CD2AP: variants seen among roughly 807,000 people sequenced by gnomAD.
CD2AP encodes CD2-associated protein.
In CD2AP, 46 loss-of-function variants were observed where a neutral mutation model predicts 85.1. That is an observed-to-expected ratio of 0.54 (90% CI 0.43 to 0.69). The LOEUF (loss-of-function observed/expected upper bound fraction) is 0.69. CD2AP is among the 30% of genes least tolerant of loss of function. The pLI is 0.00. For missense variants in CD2AP, 769 were observed against 729.5 expected (o/e 1.05, Z -0.62); for synonymous variants, 255 against 252.9 (o/e 1.01, Z -0.08).
At chr6:47,611,120 A>C (rs1453099930) in intron 16 of CD2AP, among the ~76,000 whole-genome samples, 4 of 150,030 alleles carry the variant, frequency 2.7e-5, no homozygotes, top group African/African-American at 4.9e-5. Flanking sequence ...AGAAGGGATA[A>C]ATACTATTGA....
At chr6:47,525,761 T>C (rs1017970587) in intron 2 of CD2AP, among the ~76,000 whole-genome samples, 1 of 152,186 alleles carries the variant, frequency 6.6e-6, no homozygotes, top group Admixed American at 6.5e-5. Context: ...CTTGTTGTAC[T>C]ACCTACTCTT....
intron 4 of CD2AP, among the ~76,000 whole-genome samples, chr6:47,552,367 G>A (rs528429558): frequency 6.6e-6 from 1 of 151,586 alleles, no homozygotes; most frequent in East Asian, 1.9e-4. Flanking sequence ...TCATAGCTTA[G>A]CTCCCACATA....
chr6:47,590,249 G>A (rs12204979), intron 11 of CD2AP, among the ~76,000 whole-genome samples: 2 of 151,564 alleles, frequency 1.3e-5, no homozygotes, highest in African/African-American at 4.8e-5. Flanking sequence ...AAAAGATGGG[G>A]TTGATAATTT....
At chr6:47,587,906 T>G (rs986123729) in intron 11 of CD2AP, among the ~76,000 whole-genome samples, 1 of 152,134 alleles carries the variant, frequency 6.6e-6, no homozygotes, top group African/African-American at 2.4e-5. Context: ...GTGAATCTGC[T>G]CACTTTTGCT....
intron 1 of CD2AP, among the ~76,000 whole-genome samples, chr6:47,497,411 G>C (rs1188697467): frequency 7.6e-6 from 1 of 130,956 alleles, no homozygotes; most frequent in African/African-American, 2.9e-5. Flanking sequence ...TTTCCTTTCT[G>C]TCCTTCCTGT....
Position 47,554,668 on chromosome 6 carries a change from G to C in CD2AP, c.443G>C (p.Gly148Ala), listed in dbSNP as rs1767628478. Residue 148 changes from glycine to alanine, a missense_variant, in exon 5 of 18, where the codon GGA becomes GCA. By Grantham distance (60) the Gly-to-Ala change is moderately conservative. Coordinates refer to ENST00000359314, the MANE Select transcript of CD2AP (RefSeq NM_012120.3). ...CAGGTAGAAGAAGGCTGGTGGAGTGGAACCCTGAATAACAAGTTGGGACTG... is the reference window on the plus strand; with the variant it reads ...CAGGTAGAAGAAGGCTGGTGGAGTGCAACCCTGAATAACAAGTTGGGACTG... ...NEEVEEGWWS[G>A]TLNNKLGLFP... The C allele has an allele frequency of 6.2e-7, 1 of 1,613,560 alleles. No homozygotes were observed. The highest frequency in any genetic ancestry group is 1.7e-5 in the Admixed American group (1 of 59,984).
intron 11 of CD2AP, among the ~76,000 whole-genome samples, chr6:47,592,812 C>G (rs1768839358): frequency 6.6e-6 from 1 of 152,084 alleles, no homozygotes; most frequent in Non-Finnish European, 1.5e-5. Flanking sequence ...CATACCTTGC[C>G]TTTTGCATGT....
In CD2AP at chr6:47,612,484, A is replaced by G; in HGVS notation, c.1826A>G (p.Glu609Gly). ...ALKKDHGKEL[E>G]KLRKDLEEEK... is the part of the protein sequence containing the mutation. ...TACTTTGTTTTTAGGAAAGAACTGG[A>G]AAAACTGCGAAAAGATTTGGAAGAA... Residue 609 changes from glutamate to glycine, a missense_variant, in exon 17 of 18, where the codon GAA becomes GGA. Glu to Gly is a moderately conservative substitution (Grantham distance 98, BLOSUM62 -2). Transcript: ENST00000359314. The G allele has an allele frequency of 6.2e-7, 1 of 1,601,998 alleles. No homozygotes were observed. Among genetic ancestry groups the G allele is most frequent in the Non-Finnish European group, 8.6e-7 (1 of 1,169,390 alleles).
chr6:47,620,586 A>G (rs1769716365), intron 17 of CD2AP, among the ~76,000 whole-genome samples: 1 of 152,076 alleles, frequency 6.6e-6, no homozygotes, highest in Non-Finnish European at 1.5e-5. Flanking sequence ...TCTGTGAAGA[A>G]TGATGGTGGT....
Position 47,576,520 on chromosome 6 carries a change from C to T in CD2AP, c.730-4C>T, listed in dbSNP as rs370335632. 147 of 1,596,368 alleles carry T rather than the reference C, an allele frequency of 9.2e-5. No homozygotes were observed. Among genetic ancestry groups the T allele is most frequent in the Non-Finnish European group, 6.5e-5 (76 of 1,164,636 alleles). On this transcript the variant is annotated splice_region_variant and splice_polypyrimidine_tract_variant and intron_variant, in intron 6 of 17. Transcript: ENST00000359314. ...ATAGTTTATGCCATTTTTTTCTATT[C>T]TAGCCCTTAATCCTACAGTCACTGG...
intron 2 of CD2AP, among the ~76,000 whole-genome samples, chr6:47,522,153 G>A (rs1463258881): frequency 6.6e-6 from 1 of 152,178 alleles, no homozygotes; most frequent in East Asian, 1.9e-4. Context: ...AGGCTGGGGA[G>A]GAGCAGGTGA....
Position 47,624,467 on chromosome 6 carries a change from A to C in CD2AP, c.*240A>C, listed in dbSNP as rs1198360603. ...CTGGGATTGCAAACACTTTTTAAAAAATTGTTTGCTTGAAAATACTACTGA... is the reference window on the plus strand; with the variant it reads ...CTGGGATTGCAAACACTTTTTAAAACATTGTTTGCTTGAAAATACTACTGA... On this transcript the variant is annotated 3_prime_UTR_variant, in exon 18 of 18. Coordinates refer to ENST00000359314, the MANE Select transcript of CD2AP (RefSeq NM_012120.3). 2 of 469,062 alleles carry C rather than the reference A, an allele frequency of 4.3e-6. No individual in the cohort carries two copies. The highest frequency in any genetic ancestry group is 3.3e-5 in the South Asian group (1 of 29,860). 29.1% of individuals were successfully genotyped at this position (469,062 alleles called of 1,614,324 possible).
chr6:47,478,181 G>A lies in CD2AP; in HGVS notation c.-64G>A, dbSNP rs1217548706. ...CCTCCAGCCGCGGGAGCGGCCGCGC[G>A]AGCCACCACTGGAGGAGGAGGAGGA... On this transcript the variant is annotated 5_prime_UTR_variant, in exon 1 of 18. Transcript: ENST00000359314. 1 of 1,550,670 alleles carries A rather than the reference G, an allele frequency of 6.4e-7. No homozygotes were observed. The highest frequency in any genetic ancestry group is 8.7e-7 in the Non-Finnish European group (1 of 1,147,068).
rs562243135 is a variant in CD2AP, at chr6:47,488,366, C to T, written c.4+10118C>T. On this transcript the variant is annotated intron_variant, in intron 1 of 17. Transcript: ENST00000359314. ...AAGCAAGTATACATATACTTTGAGA[C>T]ATACTGAGTTGTTACATATGTGTAA... 4.6e-5 allele frequency among the ~76,000 whole-genome samples: 7 copies of T among 152,150 alleles called. No individual in the cohort carries two copies. The South Asian group carries it at 1.5e-3, about 32-fold the overall frequency.
At chr6:47,610,855 GT>G in intron 16 of CD2AP, among the ~76,000 whole-genome samples, 1 of 148,734 alleles carries the variant, frequency 6.7e-6, no homozygotes, top group South Asian at 2.1e-4. Flanking sequence ...CGATTTTGTT[GT>G]TTTACATTTT....
intron 13 of CD2AP, 144 bp downstream of exon 13, chr6:47,599,587 A>C (rs1009270218): frequency 1.3e-6 from 1 of 766,870 alleles, no homozygotes; most frequent in East Asian, 2.7e-5. Flanking sequence ...AAAATTTAGC[A>C]GCCAAAGTAG....
rs1766181523 is a variant in CD2AP at position 47,506,794 on chromosome 6, G to GAGGGA, written c.165+3354_165+3355insAGGGA. 3.9e-4 allele frequency among the ~76,000 whole-genome samples: 31 copies of GAGGGA among 80,174 alleles called. 1 individual carries two copies. The highest frequency in any genetic ancestry group is 1.3e-3 in the South Asian group (3 of 2,302). 52.6% of individuals were successfully genotyped at this position (80,174 alleles called of 152,430 possible). A position where few individuals can be genotyped will look rare whatever the true frequency, so the allele number is the denominator to read the frequency against. ...AGGGAGACCGTGGGGAGAGGGAGAC[G>GAGGGA]GAGGGAGAGGGAGAGGGAGAGGGAG... On this transcript the variant is annotated intron_variant, in intron 2 of 17. Coordinates refer to ENST00000359314, the MANE Select transcript of CD2AP (RefSeq NM_012120.3).
intron 1 of CD2AP, 100 bp downstream of exon 1, chr6:47,478,348 CCT>C: frequency 7.2e-7 from 1 of 1,389,786 alleles, no homozygotes; most frequent in Non-Finnish European, 1.0e-6. Context: ...GCGGTCAGCC[CCT>C]GAGCGGCAGC....
rs572761352 is a variant in CD2AP, at chr6:47,477,872, G to A, written c.-373G>A. 20 of 352,510 alleles carry A rather than the reference G, an allele frequency of 5.7e-5. No homozygotes were observed. Among genetic ancestry groups the A allele is most frequent in the African/African-American group, 3.9e-4 (18 of 45,650 alleles). 21.8% of individuals were successfully genotyped at this position (352,510 alleles called of 1,614,324 possible). A position where few individuals can be genotyped will look rare whatever the true frequency, so the allele number is the denominator to read the frequency against. On this transcript the variant is annotated 5_prime_UTR_variant, in exon 1 of 18. Coordinates refer to ENST00000359314, the MANE Select transcript of CD2AP (RefSeq NM_012120.3). ...GGAAGAGGCGAGGGGCGGGCTCCGA[G>A]GCTAGGCGGGCGCTCGGGGTTGGAG...
Sources: allele counts gnomAD v4.1 joint callset (sites outside exome capture counted in the v4.1 genomes callset), GRCh38; gene constraint gnomAD v4.1.1; transcripts MANE v1.5; gene names NCBI Gene and HGNC (gene_info 2026-07-23, HGNC 2026-07-21).